Variants in CNTN5 observed in about 807,000 individuals in gnomAD.
The protein encoded by CNTN5 is contactin-5.
A neutral mutation model predicts 129.1 loss-of-function variants in CNTN5; 77 were observed. The observed-to-expected ratio is 0.60, with a 90% CI of 0.50 to 0.72. The LOEUF (loss-of-function observed/expected upper bound fraction) is 0.72. Ranked by LOEUF, CNTN5 falls within the 30% of genes least tolerant of loss-of-function variation. The probability of loss-of-function intolerance (pLI) is 0.00; values close to 1 mark genes in which losing one functional copy is unlikely to be tolerated. For synonymous variants in CNTN5, 509 were observed against 465.6 expected, an observed-to-expected ratio of 1.09 and a Z score of -1.20; for missense variants, 1,478 against 1,328.8, an observed-to-expected ratio of 1.11 and a Z score of -1.75.
At chr11:99,347,714 C>G (rs533165591) in intron 2 of CNTN5, among the ~76,000 whole-genome samples, 70 of 152,226 alleles carry the variant, frequency 4.6e-4, no homozygotes, top group African/African-American at 1.6e-3. Flanking sequence ...AACTAAATGA[C>G]AATTCTACCA....
chr11:99,270,398 A>G (rs1247349654), intron 1 of CNTN5, among the ~76,000 whole-genome samples: 3 of 151,924 alleles, frequency 2.0e-5, no homozygotes, highest in African/African-American at 7.2e-5. Context: ...ATGAATAATA[A>G]TTTTTCCAGC....
chr11:99,778,676 A>G (rs1198718809), intron 3 of CNTN5, among the ~76,000 whole-genome samples: 4 of 151,946 alleles, frequency 2.6e-5, no homozygotes, highest in Non-Finnish European at 2.9e-5. Context: ...CAGATACTTT[A>G]TTATGCATCC....
intron 13 of CNTN5, among the ~76,000 whole-genome samples, chr11:100,131,989 T>C (rs1428660702): frequency 6.6e-6 from 1 of 152,014 alleles, no homozygotes; most frequent in African/African-American, 2.4e-5. Flanking sequence ...GGGACTAGAA[T>C]GTACACAGGC....
At chr11:100,057,863 G>GT (rs1202025333) in intron 9 of CNTN5, among the ~76,000 whole-genome samples, 1 of 152,052 alleles carries the variant, frequency 6.6e-6, no homozygotes, top group East Asian at 1.9e-4. Context: ...GTAAACTAGG[G>GT]TTTTTTGCCT....
At chr11:99,398,785 G>A (rs1160362875) in intron 2 of CNTN5, among the ~76,000 whole-genome samples, 1 of 151,648 alleles carries the variant, frequency 6.6e-6, no homozygotes, top group African/African-American at 2.4e-5. Context: ...TTCAGTTTTT[G>A]GCGATTATGA....
chr11:100,288,083 T>C (rs1167215512), intron 18 of CNTN5, among the ~76,000 whole-genome samples: 3 of 152,018 alleles, frequency 2.0e-5, no homozygotes, highest in African/African-American at 7.3e-5. Context: ...ATGCACCCAA[T>C]ACAGGAGCAC....
At chr11:99,058,803 G>C (rs1246442969) in intron 1 of CNTN5, among the ~76,000 whole-genome samples, 1 of 151,758 alleles carries the variant, frequency 6.6e-6, no homozygotes, top group Non-Finnish European at 1.5e-5. Context: ...ATGAAAAATG[G>C]GCAAGGTCCC....
At chr11:99,530,244 T>C (rs546264290) in intron 2 of CNTN5, among the ~76,000 whole-genome samples, 1 of 152,324 alleles carries the variant, frequency 6.6e-6, no homozygotes, top group South Asian at 2.1e-4. Context: ...TAAGATACTA[T>C]AAATATTAAA....
chr11:99,997,236 C>T (rs932710816), intron 8 of CNTN5, among the ~76,000 whole-genome samples: 6 of 152,014 alleles, frequency 3.9e-5, no homozygotes, highest in Non-Finnish European at 8.8e-5. Flanking sequence ...TCTCTATTTC[C>T]TTCAGTCCTG....
Position 100,277,878 on chromosome 11 carries a change from T to C in CNTN5, c.2314+6637T>C, listed in dbSNP as rs79710267. Among the ~76,000 whole-genome samples the C allele has an allele frequency of 6.7e-3, 1,027 of 152,256 alleles. 14 individuals carry two copies. The highest frequency in any genetic ancestry group is 0.023 in the African/African-American group (960 of 41,572). The stretch of plus-strand genomic sequence containing the variant: ...TGCTTGTGGTATATTGCTCAAGAAG[T>C]CTTTGCCTACTCCGTTGTCTTGCAC... On this transcript the variant is annotated intron_variant, in intron 18 of 24. Transcript: ENST00000524871.
rs185516206 is a variant in CNTN5 at position 99,856,901 on chromosome 11, T to C, written c.577+11639T>C. Among the ~76,000 whole-genome samples the C allele has an allele frequency of 2.0e-3, 309 of 152,274 alleles. 1 individual carries two copies. Among genetic ancestry groups the C allele is most frequent in the African/African-American group, 7.2e-3 (298 of 41,564 alleles). ...AAGTATTTCATGCTCATTTATGATA[T>C]CATGTCTTTATATCATGTTTTCTCT... On this transcript the variant is annotated intron_variant, in intron 6 of 24. Transcript: ENST00000524871.
At chr11:99,276,771 C>G (rs1863456147) in intron 1 of CNTN5, among the ~76,000 whole-genome samples, 1 of 151,364 alleles carries the variant, frequency 6.6e-6, no homozygotes, top group African/African-American at 2.4e-5. Flanking sequence ...ACACTTTTCA[C>G]AAATATTATT....
chr11:99,483,572 G>A lies in CNTN5; in HGVS notation c.-70-72573G>A, dbSNP rs150380014. On this transcript the variant is annotated intron_variant, in intron 2 of 24. Coordinates refer to ENST00000524871, the MANE Select transcript of CNTN5 (RefSeq NM_014361.4). The stretch of plus-strand genomic sequence containing the variant: ...CATTTTCAGGTGTTTGTATCTATTA[G>A]GAGCCTCCCTGGTGCCAGCTGTGAC... Among the ~76,000 whole-genome samples, 95 of 152,202 alleles carry A rather than the reference G, an allele frequency of 6.2e-4. 2 individuals carry two copies. Among genetic ancestry groups the A allele is most frequent in the Admixed American group, 2.0e-3 (31 of 15,290 alleles).
chr11:100,151,358 A>C (rs1407892275), intron 13 of CNTN5, among the ~76,000 whole-genome samples: 1 of 152,136 alleles, frequency 6.6e-6, no homozygotes, highest in East Asian at 1.9e-4. Flanking sequence ...AGCAAGAGAC[A>C]AAAATCTTCA....
intron 16 of CNTN5, among the ~76,000 whole-genome samples, chr11:100,233,790 C>T (rs1170973311): frequency 6.6e-6 from 1 of 151,898 alleles, no homozygotes; most frequent in Non-Finnish European, 1.5e-5. Flanking sequence ...AAAGTCTTTG[C>T]CCATGCCCAG....
intron 3 of CNTN5, among the ~76,000 whole-genome samples, chr11:99,630,381 TTAGTC>T (rs1951298376): frequency 6.6e-6 from 1 of 151,996 alleles, no homozygotes; most frequent in African/African-American, 2.4e-5. Context: ...AGACTTTCCT[TTAGTC>T]TAATCTCTCC....
At position 100,035,498 on chromosome 11, in the gene CNTN5, G is replaced by C. The variant is rs1192361882; in HGVS notation, c.981-25714G>C. ...TGGGTATATACCCAGTAATGGGATGGCTGGGTCAAATGGTATTTCTAGTTC... is the reference window on the plus strand; with the variant it reads ...TGGGTATATACCCAGTAATGGGATGCCTGGGTCAAATGGTATTTCTAGTTC... On this transcript the variant is annotated intron_variant, in intron 9 of 24. Coordinates refer to ENST00000524871, the MANE Select transcript of CNTN5 (RefSeq NM_014361.4). 7.4e-3 allele frequency among the ~76,000 whole-genome samples: 1,092 copies of C among 146,756 alleles called. 10 individuals carry two copies. The highest frequency in any genetic ancestry group is 0.024 in the African/African-American group (922 of 38,650).
chr11:99,943,521 G>A (rs559959675), intron 7 of CNTN5, among the ~76,000 whole-genome samples: 5 of 152,186 alleles, frequency 3.3e-5, no homozygotes, highest in Admixed American at 3.3e-4. Flanking sequence ...TTGCTGTGTA[G>A]CAGCTCTTTA....
intron 6 of CNTN5, among the ~76,000 whole-genome samples, chr11:99,908,036 CAT>C (rs995557279): frequency 2.6e-5 from 4 of 151,968 alleles, no homozygotes; most frequent in African/African-American, 9.7e-5. Flanking sequence ...GAGTTAAAAT[CAT>C]GAAGTTTTTA....
Sources: gnomAD v4.1 joint callset for allele counts (sites outside exome capture counted in the v4.1 genomes callset) on GRCh38, gnomAD v4.1.1 for gene constraint, MANE v1.5 for transcripts, NCBI Gene and HGNC (gene_info 2026-07-23, HGNC 2026-07-21) for gene names.